The following USP10 variants were observed in gnomAD, a reference collection of about 807,000 sequenced individuals.
USP10 encodes ubiquitin specific peptidase 10, also known as ubiquitin carboxyl-terminal hydrolase 10.
A neutral mutation model predicts 84.5 loss-of-function variants in USP10; 22 were observed. The ratio of observed to expected loss-of-function variants is 0.26; its 90% CI spans 0.19 to 0.37. The LOEUF (loss-of-function observed/expected upper bound fraction) is 0.37. Among genes scored for constraint, USP10 ranks in the 10% least tolerant of loss-of-function variants. USP10 has a pLI of 1.00. For synonymous variants in USP10, 454 were observed against 387.6 expected, an observed-to-expected ratio of 1.17 and a Z score of -2.01; for missense variants, 1,019 against 998.9, an observed-to-expected ratio of 1.02 and a Z score of -0.27.
chr16:84,768,629 A>T (rs1914110343), intron 11 of USP10, among the ~76,000 whole-genome samples: 1 of 152,154 alleles, frequency 6.6e-6, no homozygotes, highest in Non-Finnish European at 1.5e-5. Context: ...TGGCAATCTA[A>T]TGATGATATC....
chr16:84,700,925 G>A (rs375761746), intron 1 of USP10, among the ~76,000 whole-genome samples: 1 of 150,320 alleles, frequency 6.7e-6, no homozygotes, highest in Non-Finnish European at 1.5e-5. Flanking sequence ...TCCCCCCTCC[G>A]CCATTATAAT....
rs1470911170 is a variant in USP10 at position 84,759,454 on chromosome 16, C to T, written c.1376C>T (p.Thr459Ile). The T allele has an allele frequency of 1.9e-6, 3 of 1,613,970 alleles. No individual in the cohort carries two copies. The highest frequency in any genetic ancestry group is 2.5e-6 in the Non-Finnish European group (3 of 1,179,862). Residue 459 changes from threonine to isoleucine, a missense_variant, in exon 6 of 14, where the codon ACA (threonine) becomes ATA (isoleucine). Physicochemically the swap from Thr to Ile is moderately conservative, Grantham distance 89 (BLOSUM62 -1). This residue lies in a region of USP10 where 787 missense variants were observed against 708.8 expected (regional missense o/e 1.11). Coordinates refer to ENST00000219473, the MANE Select transcript of USP10 (RefSeq NM_005153.3). Reference protein sequence around the residue: ...YSKVQRPCTSTPMIDSFVRLM... With the variant: ...YSKVQRPCTSIPMIDSFVRLM... ...AAAGTGCAAAGGCCTTGTACGTCAA[C>T]ACCCATGATAGACAGCTTGTAAGTA... is the stretch of plus-strand genomic sequence containing the variant.
rs777517196 is a variant in USP10, at chr16:84,745,524, A to G, written c.1043A>G (p.Asp348Gly). The change falls in exon 4 of 14, where the codon GAT (aspartate) becomes GGT (glycine). Residue 348 changes from aspartate (D) to glycine (G), a missense_variant. Physicochemically the swap from Asp to Gly is moderately conservative, Grantham distance 94. Around this residue, in one of 2 missense-constraint regions of USP10, gnomAD observed 787 missense variants for 708.8 expected, o/e 1.11. Coordinates refer to ENST00000219473, the MANE Select transcript of USP10 (RefSeq NM_005153.3). ...AAGTCCTGGGCCAGCCTCTTTCATG[A>G]TTCTAAGCCCTCTTCCTCCTCGCCG... is the stretch of plus-strand genomic sequence containing the variant. Reference protein sequence around the residue: ...QPKSWASLFHDSKPSSSSPVA... With the variant: ...QPKSWASLFHGSKPSSSSPVA... The G allele has an allele frequency of 5.6e-6, 9 of 1,613,304 alleles. No individual in the cohort carries two copies. The highest frequency in any genetic ancestry group is 5.5e-5 in the South Asian group (5 of 90,984).
At position 84,734,737 on chromosome 16, in the gene USP10, T is replaced by C. The variant is rs78040987; in HGVS notation, c.90+1234T>C. On this transcript the variant is annotated intron_variant, in intron 2 of 13. Coordinates refer to ENST00000219473, the MANE Select transcript of USP10 (RefSeq NM_005153.3). ...TCCCATCCTTTAGATAACGAAGATA[T>C]TTGTCTGTTTTCTTCTAAAAGTTTT... Among the ~76,000 whole-genome samples the C allele has an allele frequency of 2.5e-3, 374 of 152,356 alleles. 2 individuals are homozygous for C. The highest frequency in any genetic ancestry group is 8.3e-3 in the African/African-American group (347 of 41,584).
intron 1 of USP10, among the ~76,000 whole-genome samples, chr16:84,719,823 G>T (rs1395392042): frequency 6.6e-6 from 1 of 152,228 alleles, no homozygotes; most frequent in East Asian, 1.9e-4. Context: ...AGCTATACTT[G>T]CATAATTTAA....
chr16:84,711,209 C>T (rs1031368033), intron 1 of USP10, among the ~76,000 whole-genome samples: 2 of 152,158 alleles, frequency 1.3e-5, no homozygotes, highest in Non-Finnish European at 1.5e-5. Context: ...TTGCTCTGTG[C>T]CAGGGCCCGT....
At chr16:84,759,613 G>C in intron 6 of USP10, 141 bp downstream of exon 6, 1 of 798,294 alleles carries the variant, frequency 1.3e-6, no homozygotes, top group Admixed American at 2.6e-5. Context: ...GACTGTTGGC[G>C]ATTTTATATG....
chr16:84,765,798 C>T (rs766609251), intron 10 of USP10, among the ~76,000 whole-genome samples: 1 of 152,158 alleles, frequency 6.6e-6, no homozygotes, highest in Non-Finnish European at 1.5e-5. Context: ...GGGCTGGAGT[C>T]CCTGGGCACC....
intron 1 of USP10, among the ~76,000 whole-genome samples, chr16:84,701,178 C>A (rs148158720): frequency 2.6e-5 from 4 of 152,298 alleles, no homozygotes; most frequent in African/African-American, 9.6e-5. Context: ...TCTGACTACA[C>A]CTCTTTTGAA....
intron 1 of USP10, among the ~76,000 whole-genome samples, chr16:84,727,698 G>A (rs1908684851): frequency 1.3e-5 from 2 of 152,194 alleles, no homozygotes; most frequent in South Asian, 2.1e-4. Context: ...GCTAACAAAT[G>A]CAAATATACA....
rs753468567 is a variant in USP10 at position 84,745,402 on chromosome 16, G to A, written c.921G>A (p.Thr307=). The A allele has an allele frequency of 5.0e-6, 8 of 1,613,510 alleles. No homozygotes were observed. Among genetic ancestry groups the A allele is most frequent in the South Asian group, 2.2e-5 (2 of 91,054 alleles). The change falls in exon 4 of 14, where the codon ACG becomes ACA. Residue 307 remains threonine, a synonymous_variant. Transcript: ENST00000219473. ...TATNGVELHT[T]ESIDLDPTKP... ...CCAACGGGGTGGAGTTGCACACCACGGAAAGCATAGACTTGGACCCAACCA... is the reference window on the plus strand; with the variant it reads ...CCAACGGGGTGGAGTTGCACACCACAGAAAGCATAGACTTGGACCCAACCA...
chr16:84,704,968 G>A (rs1462078455), intron 1 of USP10: 1 of 1,470,340 alleles, frequency 6.8e-7, no homozygotes, highest in Non-Finnish European at 9.2e-7. Flanking sequence ...CATGTGGAGT[G>A]CGGGCCCAGC....
At chr16:84,731,224 C>A (rs1356896471) in intron 1 of USP10, among the ~76,000 whole-genome samples, 1 of 151,772 alleles carries the variant, frequency 6.6e-6, no homozygotes, top group African/African-American at 2.4e-5. Flanking sequence ...CATGATCCGC[C>A]CACCTCGGCC....
At chr16:84,731,368 T>C (rs908844255) in intron 1 of USP10, among the ~76,000 whole-genome samples, 1 of 152,164 alleles carries the variant, frequency 6.6e-6, no homozygotes, top group Non-Finnish European at 1.5e-5. Flanking sequence ...CTACTATTGA[T>C]ATTAAACAAA....
At chr16:84,706,182 C>G (rs547229051) in intron 1 of USP10, among the ~76,000 whole-genome samples, 39 of 151,970 alleles carry the variant, frequency 2.6e-4, no homozygotes, top group African/African-American at 9.2e-4. Flanking sequence ...CGCGCCTAGC[C>G]TCCCTATTCA....
At chr16:84,701,371 G>T (rs528037849) in intron 1 of USP10, among the ~76,000 whole-genome samples, 1 of 152,176 alleles carries the variant, frequency 6.6e-6, no homozygotes, top group East Asian at 1.9e-4. Flanking sequence ...AAGTAGTGTA[G>T]GTCTTTGCGC....
intron 3 of USP10, among the ~76,000 whole-genome samples, chr16:84,742,647 G>A (rs1309651255): frequency 6.6e-6 from 1 of 152,178 alleles, no homozygotes; most frequent in Non-Finnish European, 1.5e-5. Flanking sequence ...GAAGCCAAGC[G>A]TGCAGGCCGT....
At chr16:84,704,758 A>C in intron 1 of USP10, 1 of 1,534,702 alleles carries the variant, frequency 6.5e-7, no homozygotes, top group Non-Finnish European at 8.7e-7. Context: ...CCATGATCCC[A>C]TTTTCATCAG....
At chr16:84,728,449 C>T (rs1368762875) in intron 1 of USP10, among the ~76,000 whole-genome samples, 4 of 152,002 alleles carry the variant, frequency 2.6e-5, no homozygotes, top group East Asian at 1.9e-4. Context: ...AAGCGATTCC[C>T]CTGCCTCAGC....
Sources: gnomAD v4.1 joint callset for allele counts (sites outside exome capture counted in the v4.1 genomes callset) on GRCh38, gnomAD v4.1.1 for gene constraint, gnomAD v4.1.1 regional missense constraint, MANE v1.5 for transcripts, NCBI Gene and HGNC (gene_info 2026-07-23, HGNC 2026-07-21) for gene names.